Variants in DNAJC5B observed in about 807,000 individuals in gnomAD.
The protein encoded by DNAJC5B is DnaJ heat shock protein family (Hsp40) member C5 beta, also known as dnaJ homolog subfamily C member 5B.
DNAJC5B carries 23 observed loss-of-function variants against 24.7 expected under a neutral mutation model. The observed-to-expected ratio is 0.93, with a 90% confidence interval of 0.67 to 1.32. The LOEUF (loss-of-function observed/expected upper bound fraction) is 1.32, where lower values mean the gene tolerates loss of function less well. DNAJC5B is among the 40% of genes most tolerant of loss of function. The pLI is 0.00. For missense variants in DNAJC5B, 238 were observed against 240.8 expected (o/e 0.99, Z 0.08); for synonymous variants, 101 against 90.1 (o/e 1.12, Z -0.68).
At chr8:66,061,711 T>C (rs968443284) in intron 3 of DNAJC5B, among the ~76,000 whole-genome samples, 5 of 152,136 alleles carry the variant, frequency 3.3e-5, no homozygotes, top group African/African-American at 1.2e-4. Context: ...TTACAACTGT[T>C]TTATTTTAAC....
At chr8:66,079,147 A>T (rs1005649749) in intron 4 of DNAJC5B, among the ~76,000 whole-genome samples, 7 of 152,150 alleles carry the variant, frequency 4.6e-5, no homozygotes, top group African/African-American at 1.7e-4. Context: ...CAGCGAGCAA[A>T]CCTTTCATGT....
chr8:66,038,157 C>A (rs572405183), intron 1 of DNAJC5B, among the ~76,000 whole-genome samples: 1 of 152,300 alleles, frequency 6.6e-6, no homozygotes, highest in South Asian at 2.1e-4. Flanking sequence ...AGATTTGTGA[C>A]CCTCATGAGT....
Position 66,088,465 on chromosome 8 carries a change from C to A in DNAJC5B, c.505+7917C>A, listed in dbSNP as rs565776877. Among the ~76,000 whole-genome samples the A allele has an allele frequency of 9.8e-5, 15 of 152,328 alleles. 1 individual carries two copies. Among genetic ancestry groups the A allele is most frequent in the African/African-American group, 3.6e-4 (15 of 41,598 alleles). ...TTCTCGTTACTTATGCAAATTTCTG[C>A]AGCAGGCTTGAATTCCTCCCCAGAA... is the stretch of plus-strand genomic sequence containing the variant. On this transcript the variant is annotated intron_variant, in intron 5 of 5. Coordinates refer to ENST00000276570, the MANE Select transcript of DNAJC5B (RefSeq NM_033105.6).
Position 66,100,293 on chromosome 8 carries a change from G to C in DNAJC5B, c.*262G>C. On this transcript the variant is annotated 3_prime_UTR_variant, in exon 6 of 6. Coordinates refer to ENST00000276570, the MANE Select transcript of DNAJC5B (RefSeq NM_033105.6). ...TACCCTCCTTGCCTGATGTAGGACA[G>C]TGGAATTGTACAGCCTTTATGAACC... 3.1e-6 allele frequency: 1 copy of C among 318,866 alleles called. No individual in the cohort carries two copies. The highest frequency in any genetic ancestry group is 5.8e-6 in the Non-Finnish European group (1 of 171,264). The allele number at this position is 318,866 out of a possible 1,614,324, so 19.8% of individuals were successfully genotyped here.
chr8:66,071,882 A>T (rs1807358099), intron 3 of DNAJC5B, among the ~76,000 whole-genome samples: 1 of 152,210 alleles, frequency 6.6e-6, no homozygotes, highest in African/African-American at 2.4e-5. Context: ...AAAAAGAATG[A>T]GTTCATGTCC....
At chr8:66,075,373 C>T (rs1371272165) in intron 3 of DNAJC5B, among the ~76,000 whole-genome samples, 1 of 151,834 alleles carries the variant, frequency 6.6e-6, no homozygotes, top group Non-Finnish European at 1.5e-5. Flanking sequence ...TCTTTGGAAC[C>T]ATGGGGGGGG....
At chr8:66,071,321 C>A (rs1367572900) in intron 3 of DNAJC5B, among the ~76,000 whole-genome samples, 2 of 152,032 alleles carry the variant, frequency 1.3e-5, no homozygotes, top group African/African-American at 2.4e-5. Flanking sequence ...GGCTAATATC[C>A]AGAATCGACA....
intron 1 of DNAJC5B, among the ~76,000 whole-genome samples, chr8:66,022,921 T>C (rs766470842): frequency 1.3e-5 from 2 of 152,226 alleles, no homozygotes; most frequent in Non-Finnish European, 2.9e-5. Context: ...TGATAGCCAT[T>C]GAAAACTAAG....
At chr8:66,016,990 A>ATT (rs544341922), upstream of DNAJC5B, among the ~76,000 whole-genome samples, 3 of 145,660 alleles carry the variant, frequency 2.1e-5, no homozygotes, top group African/African-American at 7.5e-5. Context: ...GTCAAATATA[A>ATT]TTTTTTTTTT....
At chr8:66,098,267 A>G (rs1807997338) in intron 5 of DNAJC5B, among the ~76,000 whole-genome samples, 1 of 151,994 alleles carries the variant, frequency 6.6e-6, no homozygotes, top group Non-Finnish European at 1.5e-5. Flanking sequence ...CAGTGGCGTG[A>G]TCTTAGCTCA....
chr8:66,019,208 T>G (rs1360303824), upstream of DNAJC5B, among the ~76,000 whole-genome samples: 2 of 152,250 alleles, frequency 1.3e-5, no homozygotes, highest in Non-Finnish European at 2.9e-5. Context: ...CAAAGAGGTT[T>G]GATCCCTGCA....
Position 66,059,714 on chromosome 8 carries a change from C to T in DNAJC5B, c.119+8048C>T, listed in dbSNP as rs532354266. On this transcript the variant is annotated intron_variant, in intron 3 of 5. Coordinates refer to ENST00000276570, the MANE Select transcript of DNAJC5B (RefSeq NM_033105.6). ...CAGGGCGTGGGAGGCAGTTCATCTC[C>T]ATGTAGTGGCATTGTCCACCAAGCC... is the stretch of plus-strand genomic sequence containing the variant. Among the ~76,000 whole-genome samples, 13 of 152,306 alleles carry T rather than the reference C, an allele frequency of 8.5e-5. No individual in the cohort carries two copies. In the South Asian group the frequency reaches 2.7e-3, roughly 32 times the overall value.
intron 5 of DNAJC5B, among the ~76,000 whole-genome samples, chr8:66,086,801 C>T (rs1416822677): frequency 6.6e-6 from 1 of 152,138 alleles, no homozygotes; most frequent in Non-Finnish European, 1.5e-5. Context: ...ATTTTTCATA[C>T]ATGAGCACTA....
intron 1 of DNAJC5B, among the ~76,000 whole-genome samples, chr8:66,023,351 A>T (rs1044969604): frequency 3.3e-5 from 5 of 152,236 alleles, no homozygotes; most frequent in Non-Finnish European, 5.9e-5. Flanking sequence ...GTAAAAGCAG[A>T]TATTCTCCTA....
intron 1 of DNAJC5B, among the ~76,000 whole-genome samples, chr8:66,030,762 G>C (rs987476619): frequency 6.6e-6 from 1 of 152,072 alleles, no homozygotes; most frequent in Non-Finnish European, 1.5e-5. Flanking sequence ...TCAGCCTCCC[G>C]AGTAGCTGAG....
chr8:66,066,309 A>G (rs1309991130), intron 3 of DNAJC5B, among the ~76,000 whole-genome samples: 1 of 152,204 alleles, frequency 6.6e-6, no homozygotes, highest in Admixed American at 6.5e-5. Flanking sequence ...ACCACTATGG[A>G]AGACAGCATT....
chr8:66,059,560 A>C (rs141247864), intron 3 of DNAJC5B, among the ~76,000 whole-genome samples: 2 of 152,170 alleles, frequency 1.3e-5, no homozygotes, highest in Non-Finnish European at 2.9e-5. Flanking sequence ...TGAAATAAGA[A>C]ACTCAAAGCT....
chr8:66,085,884 G>T (rs1346604205), intron 5 of DNAJC5B, among the ~76,000 whole-genome samples: 2 of 152,048 alleles, frequency 1.3e-5, no homozygotes, highest in Non-Finnish European at 2.9e-5. Context: ...GATCAGCTTG[G>T]AAAGAATTGA....
upstream of DNAJC5B, among the ~76,000 whole-genome samples, chr8:66,020,413 A>G (rs1368377379): frequency 6.6e-6 from 1 of 152,228 alleles, no homozygotes; most frequent in African/African-American, 2.4e-5. Flanking sequence ...CTGACTTCAC[A>G]GATACGTCGT....
Sources: allele counts gnomAD v4.1 joint callset (sites outside exome capture counted in the v4.1 genomes callset), GRCh38; gene constraint gnomAD v4.1.1; transcripts MANE v1.5; gene names NCBI Gene and HGNC (gene_info 2026-07-23, HGNC 2026-07-21).